PSG5: variants seen among roughly 807,000 people sequenced by gnomAD.
PSG5 encodes pregnancy specific beta-1-glycoprotein 5, also known as pregnancy-specific beta-1-glycoprotein 5.
A neutral mutation model predicts 37.7 loss-of-function variants in PSG5; 53 were observed. That is an observed-to-expected ratio of 1.41 (90% CI 1.13 to 1.77). The LOEUF is 1.77. PSG5 is among the 40% of genes most tolerant of loss of function. The probability of loss-of-function intolerance (pLI) is 0.00; values close to 1 mark genes in which losing one functional copy is unlikely to be tolerated. For synonymous variants in PSG5, 221 were observed against 155.4 expected (o/e 1.42, Z -3.14); for missense variants, 547 against 405.2 (o/e 1.35, Z -3.00).
At chr19:43,183,775 G>A (rs895353910) in intron 2 of PSG5, among the ~76,000 whole-genome samples, 5 of 97,920 alleles carry the variant, frequency 5.1e-5, no homozygotes, top group African/African-American at 1.6e-4. Context: ...TGGTGGAGAA[G>A]ATGGGCCTGT....
At chr19:43,172,501 C>A (rs1968926991) in intron 4 of PSG5, among the ~76,000 whole-genome samples, 1 of 151,528 alleles carries the variant, frequency 6.6e-6, no homozygotes, top group Non-Finnish European at 1.5e-5. Flanking sequence ...AAAGGTGGAA[C>A]AAACCAATTA....
Position 43,180,586 on chromosome 19 carries a change from A to G in PSG5, c.430+4196T>C, listed in dbSNP as rs190582497. ...TTGTCAGGAGTTTAGACCTCATGTT[A>G]TGTTCTGACTCTAGTAACAAAAAAA... On this transcript the variant is annotated intron_variant, in intron 2 of 5. Coordinates refer to ENST00000342951, the MANE Select transcript of PSG5 (RefSeq NM_002781.4). 43 of 151,622 alleles carry G rather than the reference A, an allele frequency of 2.8e-4. 1 individual carries two copies. Among genetic ancestry groups the G allele is most frequent in the African/African-American group, 9.0e-4 (37 of 41,202 alleles). The allele number at this position is 151,622 out of a possible 1,614,324, so 9.4% of individuals were successfully genotyped here.
At chr19:43,171,930 C>A (rs184039286) in intron 4 of PSG5, among the ~76,000 whole-genome samples, 2 of 149,498 alleles carry the variant, frequency 1.3e-5, no homozygotes, top group East Asian at 3.9e-4. Context: ...CATAATCACA[C>A]CACTGTATTC....
intron 2 of PSG5, among the ~76,000 whole-genome samples, chr19:43,178,318 T>G (rs1031380303): frequency 1.3e-5 from 2 of 151,504 alleles, no homozygotes; most frequent in African/African-American, 2.4e-5. Flanking sequence ...TTTTGGTGAT[T>G]TGGGGAATAA....
At chr19:43,184,751 C>T in intron 2 of PSG5, 31 bp downstream of exon 2, 2 of 1,608,330 alleles carry the variant, frequency 1.2e-6, no homozygotes, top group Non-Finnish European at 1.7e-6. Context: ...CCCTGTCCCC[C>T]AACACCCAGG....
chr19:43,181,109 G>A (rs1969118886), intron 2 of PSG5, among the ~76,000 whole-genome samples: 1 of 151,532 alleles, frequency 6.6e-6, no homozygotes, highest in Non-Finnish European at 1.5e-5. Flanking sequence ...TCCAACTTAT[G>A]AAAATGGCAT....
At chr19:43,180,172 G>A (rs1273243433) in intron 2 of PSG5, among the ~76,000 whole-genome samples, 2 of 151,702 alleles carry the variant, frequency 1.3e-5, no homozygotes, top group South Asian at 4.2e-4. Context: ...GTGAATCAGA[G>A]AGTAGAATAG....
chr19:43,175,477 A>G lies in PSG5; in HGVS notation c.710-8T>C. 1.3e-6 allele frequency: 2 copies of G among 1,599,562 alleles called. No homozygotes were observed. Among genetic ancestry groups the G allele is most frequent in the East Asian group, 2.2e-5 (1 of 44,830 alleles). ...TGGGGAGGTCTGGACCATCTGGAGC[A>G]AAGAGAATGAAGCCACAGGTGATGT... On this transcript the variant is annotated splice_polypyrimidine_tract_variant and splice_region_variant and intron_variant, in intron 3 of 5. Coordinates refer to ENST00000342951, the MANE Select transcript of PSG5 (RefSeq NM_002781.4).
At chr19:43,182,405 C>A (rs1358977695) in intron 2 of PSG5, among the ~76,000 whole-genome samples, 1 of 151,562 alleles carries the variant, frequency 6.6e-6, no homozygotes, top group African/African-American at 2.4e-5. Flanking sequence ...CATTCTTTTG[C>A]ATTCTGGCAA....
At position 43,181,123 on chromosome 19, in the gene PSG5, C is replaced by T. The variant is rs756239585; in HGVS notation, c.430+3659G>A. 1.1e-4 allele frequency among the ~76,000 whole-genome samples: 17 copies of T among 151,634 alleles called. 1 individual carries two copies. The highest frequency in any genetic ancestry group is 2.1e-4 in the Non-Finnish European group (14 of 67,936). The stretch of plus-strand genomic sequence containing the variant: ...CTCCAACTTATGAAAATGGCATCAT[C>T]ATGAGGAAACAGTTTTATGTGGCAC... On this transcript the variant is annotated intron_variant, in intron 2 of 5. Coordinates refer to ENST00000342951, the MANE Select transcript of PSG5 (RefSeq NM_002781.4).
intron 2 of PSG5, among the ~76,000 whole-genome samples, chr19:43,182,858 T>G (rs1422615705): frequency 6.7e-6 from 1 of 148,298 alleles, no homozygotes; most frequent in Non-Finnish European, 1.5e-5. Flanking sequence ...TGGAAGCTCA[T>G]TCTCTTAGTG....
chr19:43,176,679 A>G (rs4133971), intron 2 of PSG5, among the ~76,000 whole-genome samples: 26,670 of 150,456 alleles, frequency 0.18, 3,221 homozygotes, highest in East Asian at 0.38. Context: ...ATAACACAGG[A>G]GAGACCAGAG....
chr19:43,185,569 C>T (rs1168762673), intron 1 of PSG5, among the ~76,000 whole-genome samples: 2 of 151,194 alleles, frequency 1.3e-5, no homozygotes, highest in Non-Finnish European at 1.5e-5. Flanking sequence ...TTCTTGTCAA[C>T]ACCTGACCTC....
intron 4 of PSG5, chr19:43,171,212 T>C (rs1180526709): frequency 6.6e-6 from 1 of 151,640 alleles, no homozygotes; most frequent in Non-Finnish European, 1.5e-5. Flanking sequence ...TCTAGGACTA[T>C]TTGACCTCAA....
chr19:43,172,715 CT>C (rs1968930687), intron 4 of PSG5, among the ~76,000 whole-genome samples: 1 of 151,412 alleles, frequency 6.6e-6, no homozygotes, highest in Admixed American at 6.6e-5. Context: ...CAAAATATTG[CT>C]GAAAGAAATG....
At position 43,184,972 on chromosome 19, in the gene PSG5, T is replaced by C. The variant is rs752834744; in HGVS notation, c.240A>G (p.Thr80=). The change falls in exon 2 of 6, where the codon ACA becomes ACG. Residue 80 remains threonine (T), a synonymous_variant. Coordinates refer to ENST00000342951, the MANE Select transcript of PSG5 (RefSeq NM_002781.4). The part of the protein sequence containing the change: ...GQLMDLYHYI[T]SYVVDGQINI... ...TTATTTGACCGTCTACTACATATGA[T>C]GTAATGTAATGGTAGAGGTCCATCA... 1.2e-6 allele frequency: 2 copies of C among 1,612,286 alleles called. No homozygotes were observed. Among genetic ancestry groups the C allele is most frequent in the Non-Finnish European group, 1.7e-6 (2 of 1,179,072 alleles).
intron 2 of PSG5, chr19:43,183,297 A>G (rs62115030): frequency 0.37 from 131,349 of 357,988 alleles, 25,089 homozygotes; most frequent in Non-Finnish European, 0.42. Context: ...TGAAACATGG[A>G]TGTCAGCCTC....
intron 3 of PSG5, 32 bp from the exon 4 acceptor site, chr19:43,175,501 G>A (rs1316074639): frequency 1.3e-6 from 2 of 1,579,162 alleles, no homozygotes; most frequent in African/African-American, 2.7e-5. Context: ...CACAGGTGAT[G>A]TCATCCAAGG....
intron 2 of PSG5, 103 bp from the exon 3 acceptor site, chr19:43,176,251 A>T: frequency 6.5e-7 from 1 of 1,531,096 alleles, no homozygotes; most frequent in Non-Finnish European, 8.8e-7. Context: ...AACCCACCAG[A>T]GTCCTTGAAA....
Sources: gnomAD v4.1 joint callset for allele counts (sites outside exome capture counted in the v4.1 genomes callset) on GRCh38, gnomAD v4.1.1 for gene constraint, MANE v1.5 for transcripts, NCBI Gene and HGNC (gene_info 2026-07-23, HGNC 2026-07-21) for gene names.